Variants in HHAT observed in about 807,000 individuals in gnomAD.
HHAT encodes protein-cysteine N-palmitoyltransferase HHAT.
A neutral mutation model predicts 70.8 loss-of-function variants in HHAT; 47 were observed. That is an observed-to-expected ratio of 0.66 (90% CI 0.53 to 0.85). The LOEUF (loss-of-function observed/expected upper bound fraction) is 0.85. HHAT is among the 40% of genes least tolerant of loss of function. The pLI is 0.00. For missense variants in HHAT, 609 were observed against 604.8 expected, an observed-to-expected ratio of 1.01 and a Z score of -0.07; for synonymous variants, 228 against 247.6, an observed-to-expected ratio of 0.92 and a Z score of 0.74.
At chr1:210,640,219 C>T (rs79638733) in intron 11 of HHAT, among the ~76,000 whole-genome samples, 12,850 of 152,252 alleles carry the variant, frequency 0.084, 715 homozygotes, top group South Asian at 0.17. Context: ...CAGCCCTAGG[C>T]AACTCTCATA....
intron 10 of HHAT, among the ~76,000 whole-genome samples, chr1:210,611,737 G>C (rs924798886): frequency 1.1e-4 from 16 of 152,170 alleles, no homozygotes; most frequent in African/African-American, 3.9e-4. Flanking sequence ...TTTCTCGAAG[G>C]CCTTTTCTGC....
chr1:210,515,615 G>A (rs894717081), intron 9 of HHAT, among the ~76,000 whole-genome samples: 5 of 151,794 alleles, frequency 3.3e-5, no homozygotes, highest in African/African-American at 9.7e-5. Context: ...AAAATTAGCC[G>A]GGCATGGTGG....
chr1:210,665,494 G>A (rs781477091), intron 11 of HHAT, among the ~76,000 whole-genome samples: 41 of 152,290 alleles, frequency 2.7e-4, no homozygotes, highest in Non-Finnish European at 5.3e-4. Flanking sequence ...AGGTCATAGC[G>A]CTGTTCAGCC....
chr1:210,427,990 A>G (rs960764668), intron 7 of HHAT, among the ~76,000 whole-genome samples: 3 of 151,970 alleles, frequency 2.0e-5, no homozygotes, highest in African/African-American at 7.3e-5. Context: ...TTGGGTGCAT[A>G]TATATTTAGG....
rs147826172 is a variant in HHAT at position 210,601,937 on chromosome 1, CAG to C, written c.1245+13857_1245+13858del. 2.9e-4 allele frequency among the ~76,000 whole-genome samples: 43 copies of C among 147,316 alleles called. 1 individual carries two copies. Among genetic ancestry groups the C allele is most frequent in the East Asian group, 2.2e-3 (11 of 4,996 alleles). On this transcript the variant is annotated intron_variant, in intron 10 of 11. Coordinates refer to ENST00000261458, the MANE Select transcript of HHAT (RefSeq NM_018194.6). ...TGGAGCCATGAGAATATTTGAGACT[CAG>C]AGAGAGAGAGAGAGAGAGTATGTGT...
intron 11 of HHAT, among the ~76,000 whole-genome samples, chr1:210,654,401 C>T (rs1344168588): frequency 6.6e-6 from 1 of 152,196 alleles, no homozygotes; most frequent in African/African-American, 2.4e-5. Flanking sequence ...CTGTAGCTCT[C>T]CAAGGGCAGA....
chr1:210,394,193 T>C (rs1390799510), intron 4 of HHAT, among the ~76,000 whole-genome samples: 1 of 148,058 alleles, frequency 6.8e-6, no homozygotes, highest in Admixed American at 6.8e-5. Context: ...CATGGAGAGG[T>C]GACAGGTTAT....
chr1:210,525,974 C>A (rs1396322685), intron 9 of HHAT, among the ~76,000 whole-genome samples: 2 of 152,164 alleles, frequency 1.3e-5, no homozygotes, highest in African/African-American at 4.8e-5. Flanking sequence ...GATCTTTCTG[C>A]CTTATGCGGT....
rs115802842 is a variant in HHAT, at chr1:210,556,622, G to A, written c.1044-31276G>A. ...TTGGGCCCAGAGTGGCCTCCAAGAG[G>A]GGAGCTGATATGACAGCTTCACTCT... On this transcript the variant is annotated intron_variant, in intron 9 of 11. Coordinates refer to ENST00000261458, the MANE Select transcript of HHAT (RefSeq NM_018194.6). Among the ~76,000 whole-genome samples the A allele has an allele frequency of 1.8e-3, 271 of 152,250 alleles. 1 individual carries two copies. Among genetic ancestry groups the A allele is most frequent in the African/African-American group, 6.3e-3 (260 of 41,534 alleles).
chr1:210,618,010 A>G (rs1668088254), intron 10 of HHAT, among the ~76,000 whole-genome samples: 1 of 152,214 alleles, frequency 6.6e-6, no homozygotes, highest in African/African-American at 2.4e-5. Flanking sequence ...CACATAGGAT[A>G]TGCGTGGTTC....
intron 3 of HHAT, among the ~76,000 whole-genome samples, chr1:210,381,465 G>C (rs1252916175): frequency 1.3e-5 from 2 of 152,096 alleles, no homozygotes; most frequent in Admixed American, 6.6e-5. Flanking sequence ...ATTTTTAGTA[G>C]AGATGGGGTT....
intron 8 of HHAT, among the ~76,000 whole-genome samples, chr1:210,493,542 A>G (rs1389514856): frequency 6.6e-6 from 1 of 152,206 alleles, no homozygotes; most frequent in African/African-American, 2.4e-5. Context: ...TACCTGCAAC[A>G]TTTATACTGG....
rs747570787 is a variant in HHAT, at chr1:210,623,661, T to G, written c.1381T>G (p.Phe461Val). ...TGGGAAAACCTACTGGAATAGGATC[T>G]TCATACAAGGTAAGTTGCTTGACAG... ...EVGKTYWNRIFIQGWPWVTLS... is the reference protein window; with the variant it reads ...EVGKTYWNRIVIQGWPWVTLS... The change falls in exon 11 of 12, where the codon TTC (phenylalanine) becomes GTC (valine). Residue 461 changes from phenylalanine to valine, a missense_variant. Coordinates refer to ENST00000261458, the MANE Select transcript of HHAT (RefSeq NM_018194.6). The G allele has an allele frequency of 6.2e-7, 1 of 1,613,930 alleles. No homozygotes were observed. Among genetic ancestry groups the G allele is most frequent in the Admixed American group, 1.7e-5 (1 of 60,000 alleles).
rs1286424405 is a variant in HHAT at position 210,518,129 on chromosome 1, A to T, written c.1043+4941A>T. ...GCCTCTCTTCTAACTATTTGGTAAT[A>T]TACAATACCTTACTGTTAACCATTG... is the stretch of plus-strand genomic sequence containing the variant. On this transcript the variant is annotated intron_variant, in intron 9 of 11. Transcript: ENST00000261458. Among the ~76,000 whole-genome samples the T allele has an allele frequency of 2.0e-5, 3 of 152,316 alleles. No individual in the cohort carries two copies. The East Asian group carries it at 5.8e-4, about 29-fold the overall frequency.
At chr1:210,471,700 C>T (rs2094208197) in intron 8 of HHAT, among the ~76,000 whole-genome samples, 2 of 152,134 alleles carry the variant, frequency 1.3e-5, no homozygotes, top group South Asian at 2.1e-4. Flanking sequence ...ATAATGCTTA[C>T]GTTCTGCCAG....
chr1:210,568,315 CTA>C (rs1340364267), intron 9 of HHAT, among the ~76,000 whole-genome samples: 3 of 152,218 alleles, frequency 2.0e-5, no homozygotes, highest in African/African-American at 7.2e-5. Context: ...CTCTTCATCT[CTA>C]TCTTTTGTGA....
intron 2 of HHAT, among the ~76,000 whole-genome samples, chr1:210,356,052 G>C (rs922717819): frequency 4.0e-5 from 6 of 151,830 alleles, no homozygotes; most frequent in Non-Finnish European, 7.4e-5. Flanking sequence ...AAGTAGCTAG[G>C]ACTACAGGCA....
At chr1:210,554,676 C>T (rs1558150863) in intron 9 of HHAT, among the ~76,000 whole-genome samples, 1 of 152,134 alleles carries the variant, frequency 6.6e-6, no homozygotes, top group Non-Finnish European at 1.5e-5. Flanking sequence ...CATCTCTAAA[C>T]CAGGAAAGTG....
At position 210,400,805 on chromosome 1, in the gene HHAT, A is replaced by G. The variant is rs551473785; in HGVS notation, c.468+143A>G. Reference sequence around the variant, plus strand: ...CCCATAGTGGCCGTACAGGGTTGCTACAAGTGAACCCTAGTGGTGCATTCT... The same window carrying G: ...CCCATAGTGGCCGTACAGGGTTGCTGCAAGTGAACCCTAGTGGTGCATTCT... On this transcript the variant is annotated intron_variant, in intron 5 of 11. Transcript: ENST00000261458. 15 of 726,492 alleles carry G rather than the reference A, an allele frequency of 2.1e-5. No individual in the cohort carries two copies. The African/African-American group carries it at 2.3e-4, about 11-fold the overall frequency. 45.0% of individuals were successfully genotyped at this position (726,492 alleles called of 1,614,324 possible).
Sources: allele counts gnomAD v4.1 joint callset (sites outside exome capture counted in the v4.1 genomes callset), GRCh38; gene constraint gnomAD v4.1.1; transcripts MANE v1.5; gene names NCBI Gene and HGNC (gene_info 2026-07-23, HGNC 2026-07-21).